The following CNGA1 variants were observed in gnomAD, a reference collection of about 807,000 sequenced individuals.
CNGA1 encodes cyclic nucleotide gated channel subunit alpha 1, also known as cyclic nucleotide-gated channel alpha-1.
In CNGA1, 53 loss-of-function variants were observed where a neutral mutation model predicts 69.7. The observed-to-expected ratio is 0.76, with a 90% confidence interval of 0.61 to 0.96. The LOEUF is 0.96. Ranked by LOEUF, CNGA1 falls within the 40% of genes least tolerant of loss-of-function variation. The pLI is 0.00. For missense variants in CNGA1, 739 were observed against 811.2 expected (o/e 0.91, Z 1.08); for synonymous variants, 249 against 283.5 (o/e 0.88, Z 1.22).
rs1056102218 is a variant in CNGA1, at chr4:48,011,419, A to G, written c.-222-526T>C. Among the ~76,000 whole-genome samples, 63 of 149,356 alleles carry G rather than the reference A, an allele frequency of 4.2e-4. 1 individual carries two copies. Among genetic ancestry groups the G allele is most frequent in the African/African-American group, 1.5e-3 (60 of 39,034 alleles). On this transcript the variant is annotated intron_variant, in intron 1 of 10. Coordinates refer to ENST00000514170, the MANE Select transcript of CNGA1 (RefSeq NM_001379270.1). ...TGCACACACATGCACACATACACAC[A>G]CACACACACACATCTTGGATGTTAG...
At chr4:47,950,694 T>C (rs1053713479) in intron 5 of CNGA1, among the ~76,000 whole-genome samples, 1 of 152,126 alleles carries the variant, frequency 6.6e-6, no homozygotes, top group Non-Finnish European at 1.5e-5. Context: ...AGTAATTATG[T>C]AAAACAGGTG....
chr4:48,002,367 GC>G (rs1439297982), intron 2 of CNGA1, among the ~76,000 whole-genome samples: 1 of 152,160 alleles, frequency 6.6e-6, no homozygotes, highest in African/African-American at 2.4e-5. Context: ...TTTGCAAAAA[GC>G]CTCAAGCCCC....
At chr4:47,975,056 T>C (rs1741278251) in intron 3 of CNGA1, among the ~76,000 whole-genome samples, 1 of 152,222 alleles carries the variant, frequency 6.6e-6, no homozygotes, top group Non-Finnish European at 1.5e-5. Context: ...TATTCTTATA[T>C]GATCTCTAAG....
Position 47,975,276 on chromosome 4 carries a change from A to T in CNGA1, c.-15+6117T>A, listed in dbSNP as rs185559932. On this transcript the variant is annotated intron_variant, in intron 3 of 10. Transcript: ENST00000514170. ...ACAGAGCTGACAAAACACTGTTGCT[A>T]TGTTGCCCCAGCACACACAGGGACC... Among the ~76,000 whole-genome samples the T allele has an allele frequency of 2.6e-5, 4 of 152,338 alleles. No individual in the cohort carries two copies. In the East Asian group the frequency reaches 7.7e-4, roughly 29 times the overall value.
intron 3 of CNGA1, among the ~76,000 whole-genome samples, chr4:47,954,485 G>C (rs1739942028): frequency 6.6e-6 from 1 of 152,180 alleles, no homozygotes; most frequent in South Asian, 2.1e-4. Context: ...AGCGGCGGGG[G>C]AGGGGACCAA....
At chr4:47,945,523 C>T (rs1358970827) in intron 6 of CNGA1, among the ~76,000 whole-genome samples, 1 of 152,162 alleles carries the variant, frequency 6.6e-6, no homozygotes, top group South Asian at 2.1e-4. Context: ...GAAGCATCAT[C>T]GTGGCCCCCT....
chr4:48,013,038 GAAGC>G (rs2109358800), intron 1 of CNGA1: 1 of 152,190 alleles, frequency 6.6e-6, no homozygotes, highest in South Asian at 2.1e-4. Flanking sequence ...TTTCTTGATA[GAAGC>G]AAGTAAAACT....
At position 47,955,173 on chromosome 4, in the gene CNGA1, C is replaced by CTTTTTT. The variant is rs377338639; in HGVS notation, c.-14-2476_-14-2471dup. 6.6e-4 allele frequency among the ~76,000 whole-genome samples: 65 copies of CTTTTTT among 98,196 alleles called. 1 individual carries two copies. Among genetic ancestry groups the CTTTTTT allele is most frequent in the African/African-American group, 7.5e-4 (18 of 23,904 alleles). The allele number at this position is 98,196 out of a possible 152,430, so 64.4% of individuals were successfully genotyped here. A position where few individuals can be genotyped will look rare whatever the true frequency, so the allele number is the denominator to read the frequency against. ...TTTTTCTCTGTCTCTTTTTTCTTTTCTTTTTTTTTTTTTTTTTTTTTTTTT... is the reference window on the plus strand; with the variant it reads ...TTTTTCTCTGTCTCTTTTTTCTTTTCTTTTTTTTTTTTTTTTTTTTTTTTTTTTTTT... On this transcript the variant is annotated intron_variant, in intron 3 of 10. Coordinates refer to ENST00000514170, the MANE Select transcript of CNGA1 (RefSeq NM_001379270.1).
At chr4:47,962,897 A>G (rs560230519) in intron 3 of CNGA1, among the ~76,000 whole-genome samples, 1 of 152,358 alleles carries the variant, frequency 6.6e-6, no homozygotes, top group African/African-American at 2.4e-5. Flanking sequence ...CTGTTTAAGC[A>G]AACAACACTA....
At chr4:47,990,404 G>T (rs1482825991) in intron 2 of CNGA1, among the ~76,000 whole-genome samples, 1 of 152,088 alleles carries the variant, frequency 6.6e-6, no homozygotes, top group African/African-American at 2.4e-5. Context: ...GTCTCTTGCA[G>T]TACCCTCAGG....
intron 2 of CNGA1, among the ~76,000 whole-genome samples, chr4:48,009,932 C>T (rs368354836): frequency 2.6e-5 from 4 of 152,102 alleles, no homozygotes; most frequent in African/African-American, 9.7e-5. Flanking sequence ...AGTAGTGAAA[C>T]ATTATGTACT....
intron 2 of CNGA1, among the ~76,000 whole-genome samples, chr4:48,005,520 A>G (rs1360169596): frequency 2.0e-5 from 3 of 152,238 alleles, no homozygotes; most frequent in South Asian, 2.1e-4. Context: ...TTTATTCCAT[A>G]GAAGAAATCT....
chr4:47,996,692 C>G (rs1321074992), intron 2 of CNGA1, among the ~76,000 whole-genome samples: 1 of 151,812 alleles, frequency 6.6e-6, no homozygotes, highest in African/African-American at 2.4e-5. Context: ...ACAAAGGGCT[C>G]AAAGAAATCC....
At chr4:47,993,810 T>G (rs1403842534) in intron 2 of CNGA1, among the ~76,000 whole-genome samples, 1 of 151,928 alleles carries the variant, frequency 6.6e-6, no homozygotes, top group Non-Finnish European at 1.5e-5. Context: ...CTTTCTGATG[T>G]GTTTGGGGCT....
intron 3 of CNGA1, among the ~76,000 whole-genome samples, chr4:47,962,119 G>T (rs373820033): frequency 6.6e-6 from 1 of 152,166 alleles, no homozygotes; most frequent in Non-Finnish European, 1.5e-5. Context: ...GCCAAGGCGG[G>T]TGGATCACGA....
chr4:48,003,957 A>AT (rs1379296527), intron 2 of CNGA1, among the ~76,000 whole-genome samples: 4 of 147,108 alleles, frequency 2.7e-5, no homozygotes, highest in African/African-American at 9.9e-5. Flanking sequence ...AAGGCCTGAC[A>AT]TTAGTCAGGC....
chr4:47,947,621 G>A (rs1455689393), intron 6 of CNGA1, among the ~76,000 whole-genome samples: 1 of 152,070 alleles, frequency 6.6e-6, no homozygotes, highest in African/African-American at 2.4e-5. Context: ...AGTGAGCCAA[G>A]ATTGCACCAC....
chr4:48,014,619 G>C (rs1307770525), intron 1 of CNGA1, among the ~76,000 whole-genome samples: 1 of 152,136 alleles, frequency 6.6e-6, no homozygotes, highest in Non-Finnish European at 1.5e-5. Context: ...GTGTGCATAG[G>C]CCAGTTACTC....
At chr4:47,961,388 C>G (rs750575761) in intron 3 of CNGA1, among the ~76,000 whole-genome samples, 1 of 152,200 alleles carries the variant, frequency 6.6e-6, no homozygotes, top group Admixed American at 6.5e-5. Context: ...TTAAAACCCT[C>G]TTCTGTGGAT....
Sources: allele counts gnomAD v4.1 joint callset (sites outside exome capture counted in the v4.1 genomes callset), GRCh38; gene constraint gnomAD v4.1.1; transcripts MANE v1.5; gene names NCBI Gene and HGNC (gene_info 2026-07-23, HGNC 2026-07-21).